Variants in RPS14 observed in about 807,000 individuals in gnomAD.
The protein encoded by RPS14 is ribosomal protein S14, also known as small ribosomal subunit protein uS11.
RPS14 carries 1 observed loss-of-function variant against 15.4 expected under a neutral mutation model. The observed-to-expected ratio is 0.07, with a 90% CI of 0.02 to 0.31. RPS14 has a LOEUF of 0.31. Among genes scored for constraint, RPS14 ranks in the 10% least tolerant of loss-of-function variants. The probability of loss-of-function intolerance (pLI) is 1.00; values close to 1 mark genes in which losing one functional copy is unlikely to be tolerated. For missense variants in RPS14, 69 were observed against 205.5 expected (o/e 0.34, Z 4.06); for synonymous variants, 68 against 74.4 (o/e 0.91, Z 0.44).
chr5:150,445,867 G>A (rs1003693221), intron 3 of RPS14, among the ~76,000 whole-genome samples, 182 bp from the exon 4 acceptor site: 5 of 152,172 alleles, frequency 3.3e-5, no homozygotes, highest in African/African-American at 1.2e-4. Context: ...AGGCAGGGCG[G>A]ACTGCTTCAG....
At chr5:150,447,498 A>C in intron 2 of RPS14, 87 bp downstream of exon 2, 5 of 1,322,026 alleles carry the variant, frequency 3.8e-6, no homozygotes, top group Non-Finnish European at 5.4e-6. Context: ...ATTTCTTTAG[A>C]GAGAATCCCC....
At chr5:150,445,511 A>C (rs1581276061) in intron 4 of RPS14, 98 bp downstream of exon 4, 1 of 1,176,570 alleles carries the variant, frequency 8.5e-7, no homozygotes, top group Non-Finnish European at 1.3e-6. Flanking sequence ...GCCAAAAGTG[A>C]CCAGACCAGC....
intron 3 of RPS14, 31 bp from the exon 4 acceptor site, chr5:150,445,716 C>G (rs752679449): frequency 1.3e-5 from 21 of 1,558,608 alleles, no homozygotes; most frequent in Non-Finnish European, 7.9e-6. Context: ...TTAAGAAGAG[C>G]CTTTGGCCAA....
chr5:150,447,842 C>T (rs1581278187), intron 1 of RPS14, 107 bp from the exon 2 acceptor site: 1 of 1,230,630 alleles, frequency 8.1e-7, no homozygotes, highest in Non-Finnish European at 1.2e-6. Context: ...TCCCTGTCTT[C>T]TTCCATCCAA....
rs752500536 is a variant in RPS14 at position 150,447,570 on chromosome 5, C to T, written c.149+15G>A. The T allele has an allele frequency of 1.2e-6, 2 of 1,612,066 alleles. No homozygotes were observed. The highest frequency in any genetic ancestry group is 1.1e-5 in the South Asian group (1 of 90,994). The stretch of plus-strand genomic sequence containing the variant: ...GCCTTTTGCCAGCTGGATGCCTCTC[C>T]ACCCAGGTACTCACTTGCCAGAAAG... On this transcript the variant is annotated intron_variant, in intron 2 of 4. Coordinates refer to ENST00000407193, the MANE Select transcript of RPS14 (RefSeq NM_005617.4).
chr5:150,445,110 A>G (rs920965683), intron 4 of RPS14, among the ~76,000 whole-genome samples: 3 of 152,186 alleles, frequency 2.0e-5, no homozygotes, highest in Non-Finnish European at 4.4e-5. Context: ...GCACAGAACA[A>G]TGTGCAGGGA....
intron 4 of RPS14, among the ~76,000 whole-genome samples, chr5:150,444,861 C>CAAAAAAAA (rs58978883): frequency 7.2e-6 from 1 of 138,140 alleles, no homozygotes. Context: ...CTCCCCGCTA[C>CAAAAAAAA]AAAAAAAAAA....
intron 1 of RPS14, chr5:150,448,394 C>T (rs2151201844): frequency 6.6e-6 from 1 of 152,164 alleles, no homozygotes; most frequent in East Asian, 1.9e-4. Context: ...CTAAATAACT[C>T]TAACCTATTA....
chr5:150,447,340 G>C (rs1404170326), intron 2 of RPS14: 1 of 566,210 alleles, frequency 1.8e-6, no homozygotes. Flanking sequence ...GGGAACTAGG[G>C]AAAGAAGATA....
At chr5:150,445,120 A>T (rs1038870180) in intron 4 of RPS14, among the ~76,000 whole-genome samples, 4 of 152,194 alleles carry the variant, frequency 2.6e-5, no homozygotes, top group African/African-American at 9.7e-5. Flanking sequence ...ATGTGCAGGG[A>T]AAGACTACTG....
intron 4 of RPS14, 97 bp from the exon 5 acceptor site, chr5:150,444,450 C>T: frequency 2.1e-6 from 2 of 967,658 alleles, no homozygotes; most frequent in South Asian, 1.4e-5. Context: ...GCAACAGATC[C>T]TGCTGCTCCC....
rs1256750020 is a variant in RPS14, at chr5:150,442,976, G to A, written c.*1310C>T. On this transcript the variant is annotated 3_prime_UTR_variant, in exon 5 of 5. Transcript: ENST00000407193. ...GCTTCCCAAAGTGTTGGGATTATAG[G>A]CGTGAACCACTGTGCCCTGCCTTTA... The A allele has an allele frequency of 6.6e-6, 1 of 152,132 alleles. No homozygotes were observed. Among genetic ancestry groups the A allele is most frequent in the Non-Finnish European group, 1.5e-5 (1 of 68,048 alleles). The allele number at this position is 152,132 out of a possible 1,614,324, so 9.4% of individuals were successfully genotyped here. A position where few individuals can be genotyped will look rare whatever the true frequency, so the allele number is the denominator to read the frequency against.
Position 150,446,997 on chromosome 5 carries a change from GTC to G in RPS14, c.150-36_150-35del. The G allele has an allele frequency of 3.7e-6, 6 of 1,610,772 alleles. No individual in the cohort carries two copies. The highest frequency in any genetic ancestry group is 5.1e-6 in the Non-Finnish European group (6 of 1,178,208). On this transcript the variant is annotated intron_variant, in intron 2 of 4. Coordinates refer to ENST00000407193, the MANE Select transcript of RPS14 (RefSeq NM_005617.4). This position sits in a 1 kb window ranked among gnomAD's most constrained non-coding sequence, Gnocchi z 4.2. ...AAAAGCACAGGGTCATTTCTTCCTC[GTC>G]CAACAAGGAGTGCTTACGATATCCT...
At chr5:150,447,504 T>A in intron 2 of RPS14, 81 bp downstream of exon 2, 1 of 1,354,274 alleles carries the variant, frequency 7.4e-7, no homozygotes, top group Non-Finnish European at 1.1e-6. Context: ...TTAGAGAGAA[T>A]CCCCTGAACT....
In RPS14 at chr5:150,445,622, C is replaced by T. The variant is rs750193036; in HGVS notation, c.375G>A (p.Lys125=). The T allele has an allele frequency of 6.2e-7, 1 of 1,613,186 alleles. No homozygotes were observed. The highest frequency in any genetic ancestry group is 1.1e-5 in the South Asian group (1 of 90,974). The change falls in exon 4 of 5, where the codon AAG becomes AAA. Residue 125 remains lysine, a synonymous_variant. Transcript: ENST00000407193. The part of the protein sequence containing the change: ...ALRALARSGM[K]IGRIEDVTPI... The stretch of plus-strand genomic sequence containing the variant: ...GGGGGCACTTACCAATCCGCCCGAT[C>T]TTCATACCCGAGCGGGCAAGGGCTC...
chr5:150,445,259 G>A (rs990965717), intron 4 of RPS14, among the ~76,000 whole-genome samples: 1 of 152,102 alleles, frequency 6.6e-6, no homozygotes, highest in African/African-American at 2.4e-5. Flanking sequence ...TTTAGTAGGC[G>A]GAAACCAAAA....
Position 150,442,799 on chromosome 5 carries a change from G to A in RPS14, c.*1487C>T, listed in dbSNP as rs13161099. On this transcript the variant is annotated 3_prime_UTR_variant, in exon 5 of 5. Coordinates refer to ENST00000407193, the MANE Select transcript of RPS14 (RefSeq NM_005617.4). Reference sequence around the variant, plus strand: ...CTGCGGCCTCCACTTCCCAGGCTCAGGCAATTCTCCCACCTCAGCCTCCCA... The same window carrying A: ...CTGCGGCCTCCACTTCCCAGGCTCAAGCAATTCTCCCACCTCAGCCTCCCA... The A allele has an allele frequency of 0.22, 32,823 of 152,138 alleles. 4,208 individuals are homozygous for A. The highest frequency in any genetic ancestry group is 0.4 in the South Asian group (1,933 of 4,818). The allele number at this position is 152,138 out of a possible 1,614,324, so 9.4% of individuals were successfully genotyped here. A position where few individuals can be genotyped will look rare whatever the true frequency, so the allele number is the denominator to read the frequency against.
At chr5:150,447,097 G>A in intron 2 of RPS14, 134 bp from the exon 3 acceptor site, 1 of 981,242 alleles carries the variant, frequency 1.0e-6, no homozygotes, top group South Asian at 1.6e-5. Context: ...ATGGAGTTCA[G>A]TCCAGTGGGG....
At chr5:150,444,910 T>C (rs932276713) in intron 4 of RPS14, among the ~76,000 whole-genome samples, 1 of 151,022 alleles carries the variant, frequency 6.6e-6, no homozygotes, top group Non-Finnish European at 1.5e-5. Context: ...AGCTACTCAG[T>C]AGATGCAGGT....
Sources: allele counts gnomAD v4.1 joint callset (sites outside exome capture counted in the v4.1 genomes callset), GRCh38; gene constraint gnomAD v4.1.1; non-coding constraint Gnocchi (gnomAD v3.1); transcripts MANE v1.5; gene names NCBI Gene and HGNC (gene_info 2026-07-23, HGNC 2026-07-21).